Variants in UBE2H observed in about 807,000 individuals in gnomAD.
UBE2H encodes ubiquitin-conjugating enzyme E2 H.
UBE2H carries 3 observed loss-of-function variants against 29.0 expected under a neutral mutation model. That is an observed-to-expected ratio of 0.10 (90% CI 0.05 to 0.27). The LOEUF (loss-of-function observed/expected upper bound fraction) is 0.27, where lower values mean the gene tolerates loss of function less well. UBE2H is among the 10% of genes least tolerant of loss of function. UBE2H has a pLI of 1.00. For missense variants in UBE2H, 68 were observed against 228.2 expected (o/e 0.30, Z 4.52); for synonymous variants, 69 against 82.9 (o/e 0.83, Z 0.91).
At chr7:129,835,181 A>G in intron 6 of UBE2H, 120 bp from the exon 7 acceptor site, 2 of 1,375,656 alleles carry the variant, frequency 1.5e-6, no homozygotes, top group Non-Finnish European at 2.0e-6. Flanking sequence ...AGGGGGGACA[A>G]AGATGACAGT....
intron 3 of UBE2H, among the ~76,000 whole-genome samples, chr7:129,868,873 A>G (rs1805969693): frequency 6.7e-6 from 1 of 149,160 alleles, no homozygotes; most frequent in South Asian, 2.1e-4. Flanking sequence ...CTCTGCCCCA[A>G]CTCCTGTCAT....
intron 5 of UBE2H, among the ~76,000 whole-genome samples, chr7:129,850,861 A>G (rs779759304): frequency 7.6e-6 from 1 of 131,692 alleles, no homozygotes; most frequent in East Asian, 2.7e-4. Flanking sequence ...GGGAAGGGGG[A>G]TGGGGGGAGG....
At chr7:129,874,079 T>C (rs1806097082) in intron 3 of UBE2H, among the ~76,000 whole-genome samples, 1 of 152,160 alleles carries the variant, frequency 6.6e-6, no homozygotes, top group African/African-American at 2.4e-5. Context: ...TTACAAAAGA[T>C]TCTAAAATAT....
chr7:129,852,146 T>C (rs1261603535), intron 5 of UBE2H, among the ~76,000 whole-genome samples: 1 of 152,232 alleles, frequency 6.6e-6, no homozygotes, highest in East Asian at 1.9e-4. Flanking sequence ...GTATTTCTTA[T>C]CTGTGTAGTT....
At chr7:129,937,483 CATTA>C (rs2116509325) in intron 1 of UBE2H, among the ~76,000 whole-genome samples, 1 of 152,212 alleles carries the variant, frequency 6.6e-6, no homozygotes, top group African/African-American at 2.4e-5. Context: ...GGAAAAGTCA[CATTA>C]ATTACTCCAA....
chr7:129,926,644 TATA>T (rs1208985608), intron 1 of UBE2H, among the ~76,000 whole-genome samples: 21 of 152,124 alleles, frequency 1.4e-4, no homozygotes, highest in African/African-American at 5.1e-4. Context: ...ATCATTCTCA[TATA>T]ATGTGCCACA....
chr7:129,934,484 A>G (rs1389051556), intron 1 of UBE2H, among the ~76,000 whole-genome samples: 1 of 150,800 alleles, frequency 6.6e-6, no homozygotes, highest in Non-Finnish European at 1.5e-5. Flanking sequence ...CTAAAACTAC[A>G]AAAATTAGTC....
At chr7:129,868,412 C>G (rs1189181964) in intron 3 of UBE2H, among the ~76,000 whole-genome samples, 1 of 144,972 alleles carries the variant, frequency 6.9e-6, no homozygotes, top group East Asian at 1.9e-4. Context: ...AACCCCGTCT[C>G]TACTAAAAAT....
Position 129,834,812 on chromosome 7 carries a change from A to T in UBE2H, c.*125T>A. On this transcript the variant is annotated 3_prime_UTR_variant, in exon 7 of 7. Coordinates refer to ENST00000355621, the MANE Select transcript of UBE2H (RefSeq NM_003344.4). ...GGTGATATATAATATATATATATCA[A>T]TGCTATTATTCATAAAAACCTTGTT... The T allele has an allele frequency of 1.9e-6, 2 of 1,049,384 alleles. No individual in the cohort carries two copies. The highest frequency in any genetic ancestry group is 1.7e-5 in the South Asian group (1 of 59,320). 65.0% of individuals were successfully genotyped at this position (1,049,384 alleles called of 1,614,324 possible). A position where few individuals can be genotyped will look rare whatever the true frequency, so the allele number is the denominator to read the frequency against.
At chr7:129,939,054 G>T (rs868597889) in intron 1 of UBE2H, among the ~76,000 whole-genome samples, 1 of 152,072 alleles carries the variant, frequency 6.6e-6, no homozygotes, top group Non-Finnish European at 1.5e-5. Flanking sequence ...CCGCCTTGGC[G>T]TCCCAAAGTG....
intron 5 of UBE2H, 26 bp from the exon 6 acceptor site, chr7:129,839,361 A>G: frequency 6.2e-7 from 1 of 1,610,644 alleles, no homozygotes; most frequent in Non-Finnish European, 8.5e-7. Flanking sequence ...AACATGTCAC[A>G]CATGGGAAAT....
intron 5 of UBE2H, among the ~76,000 whole-genome samples, chr7:129,847,811 G>A (rs915957131): frequency 6.6e-6 from 1 of 152,138 alleles, no homozygotes. Flanking sequence ...CTAATGAAGG[G>A]AGTAGGTTGA....
intron 1 of UBE2H, among the ~76,000 whole-genome samples, chr7:129,914,391 T>G (rs1021985974): frequency 6.6e-6 from 1 of 151,822 alleles, no homozygotes; most frequent in African/African-American, 2.4e-5. Flanking sequence ...GGTCTCAAAC[T>G]CCTGACCTCA....
chr7:129,836,900 A>AAAAAAAAAAAAAAAAAAAC (rs1805339738), intron 6 of UBE2H, among the ~76,000 whole-genome samples: 1 of 128,128 alleles, frequency 7.8e-6, no homozygotes, highest in Non-Finnish European at 1.9e-5. Context: ...AAAAAAAAAA[A>AAAAAAAAAAAAAAAAAAAC]AAAAAAAAAA....
intron 1 of UBE2H, among the ~76,000 whole-genome samples, chr7:129,892,537 C>T (rs1563036975): frequency 6.6e-6 from 1 of 152,148 alleles, no homozygotes; most frequent in Non-Finnish European, 1.5e-5. Context: ...CAGGTATGAC[C>T]CACCGCATCC....
chr7:129,918,434 C>T (rs909197552), intron 1 of UBE2H, among the ~76,000 whole-genome samples: 9 of 151,428 alleles, frequency 5.9e-5, no homozygotes, highest in African/African-American at 1.9e-4. Context: ...TCAAGACTCA[C>T]TGCAACCTCT....
At chr7:129,886,763 T>C (rs895348543) in intron 1 of UBE2H, among the ~76,000 whole-genome samples, 1 of 139,312 alleles carries the variant, frequency 7.2e-6, no homozygotes, top group East Asian at 2.0e-4. Flanking sequence ...TTTTTGTTTT[T>C]TGGTAAAAAA....
chr7:129,922,941 G>A (rs534701123), intron 1 of UBE2H, among the ~76,000 whole-genome samples: 4 of 151,486 alleles, frequency 2.6e-5, no homozygotes, highest in South Asian at 4.2e-4. Context: ...TCGCTCTGTC[G>A]CCCAGGTTGG....
intron 1 of UBE2H, among the ~76,000 whole-genome samples, chr7:129,945,766 G>C (rs1807749215): frequency 6.6e-6 from 1 of 151,584 alleles, no homozygotes; most frequent in Non-Finnish European, 1.5e-5. Context: ...TTGAGACTGA[G>C]TTTCGCTCTT....
Sources: allele counts gnomAD v4.1 joint callset (sites outside exome capture counted in the v4.1 genomes callset), GRCh38; gene constraint gnomAD v4.1.1; transcripts MANE v1.5; gene names NCBI Gene and HGNC (gene_info 2026-07-23, HGNC 2026-07-21).